SCFD2: variants seen among roughly 807,000 people sequenced by gnomAD.
SCFD2 encodes sec1 family domain containing 2.
In SCFD2, 54 loss-of-function variants were observed where a neutral mutation model predicts 58.9. The observed-to-expected ratio is 0.92, with a 90% CI of 0.74 to 1.15. The LOEUF (loss-of-function observed/expected upper bound fraction) is 1.15, where lower values mean the gene tolerates loss of function less well. Among genes scored for constraint, SCFD2 ranks in the 50% most tolerant of loss-of-function variants. SCFD2 has a pLI of 0.00. For synonymous variants in SCFD2, 321 were observed against 335.9 expected, an observed-to-expected ratio of 0.96 and a Z score of 0.49; for missense variants, 805 against 836.6, an observed-to-expected ratio of 0.96 and a Z score of 0.47.
intron 5 of SCFD2, among the ~76,000 whole-genome samples, chr4:53,133,170 T>C (rs1185951754): frequency 6.6e-6 from 1 of 151,790 alleles, no homozygotes; most frequent in Non-Finnish European, 1.5e-5. Context: ...CTACTAAAAA[T>C]ACAAGAAATT....
chr4:53,085,122 T>G (rs527412413), intron 5 of SCFD2, among the ~76,000 whole-genome samples: 1 of 152,310 alleles, frequency 6.6e-6, no homozygotes, highest in East Asian at 1.9e-4. Flanking sequence ...TGATATAATC[T>G]TATATTTGGA....
At chr4:53,332,403 T>A (rs1733510463) in intron 2 of SCFD2, among the ~76,000 whole-genome samples, 1 of 151,378 alleles carries the variant, frequency 6.6e-6, no homozygotes. Flanking sequence ...TCCACCATGA[T>A]CAAGTGGGCT....
At chr4:52,925,353 T>TACATATATATATATATATAC (rs1560482786) in intron 5 of SCFD2, among the ~76,000 whole-genome samples, 1 of 131,438 alleles carries the variant, frequency 7.6e-6, no homozygotes, top group African/African-American at 3.4e-5. Context: ...TATATATATA[T>TACATATATATATATATATAC]ACATATATAT....
At chr4:53,221,421 G>C (rs1729044067) in intron 4 of SCFD2, among the ~76,000 whole-genome samples, 1 of 152,162 alleles carries the variant, frequency 6.6e-6, no homozygotes, top group Non-Finnish European at 1.5e-5. Context: ...CGAAGATCTT[G>C]CCTTGTAATA....
intron 5 of SCFD2, among the ~76,000 whole-genome samples, chr4:53,008,984 A>G (rs1295216318): frequency 6.6e-6 from 1 of 152,188 alleles, no homozygotes; most frequent in Non-Finnish European, 1.5e-5. Context: ...CCTGATGTGG[A>G]GATCTGGGTC....
rs114345002 is a variant in SCFD2, at chr4:53,204,526, A to G, written c.1312-58944T>C. Among the ~76,000 whole-genome samples, 1,266 of 151,792 alleles carry G rather than the reference A, an allele frequency of 8.3e-3. 23 individuals carry two copies. Among genetic ancestry groups the G allele is most frequent in the African/African-American group, 0.029 (1,204 of 41,284 alleles). ...AGACTATCTCCCAGAGGAAGAAGAA[A>G]AAAAAGAAGACAAAAGAAATAACAA... On this transcript the variant is annotated intron_variant, in intron 4 of 8. Transcript: ENST00000401642.
chr4:53,273,950 T>A lies in SCFD2; in HGVS notation c.1187A>T (p.Asn396Ile), dbSNP rs746167641. 1 of 1,613,790 alleles carries A rather than the reference T, an allele frequency of 6.2e-7. No homozygotes were observed. Among genetic ancestry groups the A allele is most frequent in the East Asian group, 2.2e-5 (1 of 44,868 alleles). ...LMSYIQLFKNNLKALMNHCGL... is the reference protein window; with the variant it reads ...LMSYIQLFKNILKALMNHCGL... ...ACAATGATTCATTAGAGCTTTGAGG[T>A]TGTTCTTGAAGAGCTGAATATAGGA... Residue 396 changes from asparagine to isoleucine, a missense_variant, in exon 4 of 9, where the codon AAC (asparagine) becomes ATC (isoleucine). Physicochemically the swap from Asn to Ile is moderately radical, Grantham distance 149 (BLOSUM62 -3). Transcript: ENST00000401642.
intron 5 of SCFD2, among the ~76,000 whole-genome samples, chr4:53,076,290 A>AC (rs78980806): frequency 6.6e-6 from 1 of 151,992 alleles, no homozygotes; most frequent in Non-Finnish European, 1.5e-5. Flanking sequence ...TGGCTAAAAA[A>AC]ATTCCAATTT....
At chr4:53,350,980 G>T (rs1175997955) in intron 2 of SCFD2, among the ~76,000 whole-genome samples, 1 of 152,214 alleles carries the variant, frequency 6.6e-6, no homozygotes, top group African/African-American at 2.4e-5. Flanking sequence ...AAAGTGCTGG[G>T]ATTACAGGCA....
At chr4:53,049,419 G>A (rs1723128064) in intron 5 of SCFD2, among the ~76,000 whole-genome samples, 1 of 152,206 alleles carries the variant, frequency 6.6e-6, no homozygotes, top group African/African-American at 2.4e-5. Context: ...GCTATTCACT[G>A]TGCTATGCAC....
intron 5 of SCFD2, among the ~76,000 whole-genome samples, chr4:52,937,572 T>C (rs1720172707): frequency 1.3e-5 from 2 of 152,148 alleles, no homozygotes; most frequent in Admixed American, 1.3e-4. Context: ...AAGAACATGA[T>C]GAAATTCAGT....
intron 5 of SCFD2, among the ~76,000 whole-genome samples, chr4:52,961,012 C>A (rs953681473): frequency 1.3e-5 from 2 of 152,136 alleles, no homozygotes; most frequent in Admixed American, 6.5e-5. Flanking sequence ...CGGGACCTTG[C>A]AGGAGAGGCT....
chr4:52,898,765 C>T (rs542960569), intron 7 of SCFD2, among the ~76,000 whole-genome samples: 1 of 152,174 alleles, frequency 6.6e-6, no homozygotes, highest in African/African-American at 2.4e-5. Context: ...TTAAAGTCTC[C>T]CACTATTATT....
At chr4:53,301,206 G>T (rs540346187) in intron 3 of SCFD2, among the ~76,000 whole-genome samples, 55 of 152,132 alleles carry the variant, frequency 3.6e-4, no homozygotes, top group African/African-American at 1.1e-3. Context: ...CCGCTAGCAA[G>T]ACTAATAAAG....
At chr4:53,076,149 C>T (rs1420793935) in intron 5 of SCFD2, among the ~76,000 whole-genome samples, 1 of 152,116 alleles carries the variant, frequency 6.6e-6, no homozygotes, top group Non-Finnish European at 1.5e-5. Context: ...TCCTAATTTT[C>T]ATATATTACA....
chr4:53,082,982 TC>T, intron 5 of SCFD2, among the ~76,000 whole-genome samples: 1 of 151,962 alleles, frequency 6.6e-6, no homozygotes, highest in East Asian at 1.9e-4. Flanking sequence ...TCTCTCTTTC[TC>T]TCTTTCTCTC....
chr4:52,976,456 A>G (rs1721263173), intron 5 of SCFD2, among the ~76,000 whole-genome samples: 1 of 152,180 alleles, frequency 6.6e-6, no homozygotes, highest in Admixed American at 6.5e-5. Context: ...AATCACAAGT[A>G]TCATCTCCAA....
intron 5 of SCFD2, among the ~76,000 whole-genome samples, chr4:52,991,243 G>A (rs966480236): frequency 2.6e-5 from 4 of 152,140 alleles, no homozygotes; most frequent in Non-Finnish European, 5.9e-5. Context: ...CCTGTCTGAA[G>A]CACTTTGTGT....
chr4:53,006,741 A>T (rs1721977467), intron 5 of SCFD2, among the ~76,000 whole-genome samples: 1 of 152,178 alleles, frequency 6.6e-6, no homozygotes, highest in Non-Finnish European at 1.5e-5. Context: ...AAAGGCATGC[A>T]AGTGATTTCC....
Sources: allele counts gnomAD v4.1 joint callset (sites outside exome capture counted in the v4.1 genomes callset), GRCh38; gene constraint gnomAD v4.1.1; transcripts MANE v1.5; gene names NCBI Gene and HGNC (gene_info 2026-07-23, HGNC 2026-07-21).